The following CACNA1H variants were observed in gnomAD, a reference collection of about 807,000 sequenced individuals.
CACNA1H encodes calcium voltage-gated channel subunit alpha1 H.
CACNA1H carries 149 observed loss-of-function variants against 192.5 expected under a neutral mutation model. That is an observed-to-expected ratio of 0.77 (90% confidence interval 0.68 to 0.89). CACNA1H has a LOEUF of 0.89. Among genes scored for constraint, CACNA1H ranks in the 40% least tolerant of loss-of-function variants. The probability of loss-of-function intolerance (pLI) is 0.00; values close to 1 mark genes in which losing one functional copy is unlikely to be tolerated. For synonymous variants in CACNA1H, 2,202 were observed against 1,475.2 expected (o/e 1.49, Z -11.29); for missense variants, 4,257 against 3,423.5 (o/e 1.24, Z -6.08).
intron 9 of CACNA1H, among the ~76,000 whole-genome samples, chr16:1,202,690 C>G (rs569348055): frequency 6.6e-6 from 1 of 152,136 alleles, no homozygotes; most frequent in Non-Finnish European, 1.5e-5. Flanking sequence ...GTGGTAGCCG[C>G]GGAGGTGGGA....
intron 2 of CACNA1H, among the ~76,000 whole-genome samples, chr16:1,156,327 G>A (rs1008869923): frequency 9.2e-5 from 14 of 152,232 alleles, no homozygotes; most frequent in African/African-American, 1.7e-4. Flanking sequence ...TGGAGGCCCC[G>A]GCTGCATGGG....
intron 6 of CACNA1H, among the ~76,000 whole-genome samples, 176 bp from the exon 7 acceptor site, chr16:1,200,080 C>G (rs545439525): frequency 2.0e-5 from 3 of 152,244 alleles, no homozygotes; most frequent in South Asian, 2.1e-4. Flanking sequence ...TCTTGACCCT[C>G]AGTCCTATCA....
intron 34 of CACNA1H, among the ~76,000 whole-genome samples, 154 bp from the exon 35 acceptor site, chr16:1,219,827 G>A (rs367858391): frequency 6.8e-4 from 104 of 152,296 alleles, no homozygotes; most frequent in African/African-American, 2.4e-3. Flanking sequence ...CCACACCAGC[G>A]GCTTCCAGCC....
intron 4 of CACNA1H, among the ~76,000 whole-genome samples, 176 bp from the exon 5 acceptor site, chr16:1,195,750 C>T (rs962355151): frequency 3.3e-5 from 5 of 152,162 alleles, no homozygotes; most frequent in Admixed American, 3.3e-4. Flanking sequence ...GAGGTGGCCT[C>T]CTGATGTGAC....
intron 2 of CACNA1H, among the ~76,000 whole-genome samples, chr16:1,187,755 C>G (rs1417190092): frequency 6.6e-6 from 1 of 152,210 alleles, no homozygotes; most frequent in Non-Finnish European, 1.5e-5. Flanking sequence ...ACGTCCATCC[C>G]TTCGCTGGGC....
At chr16:1,209,465 A>T in intron 17 of CACNA1H, 53 bp downstream of exon 17, 1 of 1,577,154 alleles carries the variant, frequency 6.3e-7, no homozygotes, top group Non-Finnish European at 8.6e-7. Flanking sequence ...TGTCTGGGGC[A>T]GGTTCCCTCA....
rs1596360277 is a variant in CACNA1H, at chr16:1,187,770, G to A, written c.300-7202G>A. On this transcript the variant is annotated intron_variant, in intron 2 of 34. Coordinates refer to ENST00000348261, the MANE Select transcript of CACNA1H (RefSeq NM_021098.3). ...ACGTCCATCCCTTCGCTGGGCTAGC[G>A]CTGCTACAGTCCCCTCCCTGGTGGT... Among the ~76,000 whole-genome samples, 7 of 152,336 alleles carry A rather than the reference G, an allele frequency of 4.6e-5. 1 individual carries two copies. The South Asian group carries it at 1.2e-3, about 27-fold the overall frequency.
In CACNA1H at chr16:1,167,652, C is replaced by G. The variant is rs567602600; in HGVS notation, c.299+13616C>G. 2.6e-5 allele frequency among the ~76,000 whole-genome samples: 4 copies of G among 152,310 alleles called. No individual in the cohort carries two copies. Among genetic ancestry groups the G allele is most frequent in the Non-Finnish European group, 5.9e-5 (4 of 68,036 alleles). On this transcript the variant is annotated intron_variant, in intron 2 of 34. Coordinates refer to ENST00000348261, the MANE Select transcript of CACNA1H (RefSeq NM_021098.3). The surrounding 1 kb of genome is among the most constrained non-coding windows in gnomAD (Gnocchi z 4.2). ...CCCAGCTGCTCCTGGTTGACCGGCC[C>G]GGCCTGTGTTACATAAAGCGGTTTG...
chr16:1,171,762 C>T (rs549825199), intron 2 of CACNA1H, among the ~76,000 whole-genome samples: 1 of 152,322 alleles, frequency 6.6e-6, no homozygotes, highest in African/African-American at 2.4e-5. Flanking sequence ...CTCCCACCGT[C>T]CACAACTTTG....
intron 9 of CACNA1H, among the ~76,000 whole-genome samples, chr16:1,203,009 G>A (rs141571311): frequency 2.7e-4 from 40 of 150,824 alleles, no homozygotes; most frequent in African/African-American, 9.8e-4. Flanking sequence ...AGATGGTAGG[G>A]TTCCACACGG....
chr16:1,173,929 G>A (rs1964614996), intron 2 of CACNA1H, among the ~76,000 whole-genome samples: 1 of 152,186 alleles, frequency 6.6e-6, no homozygotes, highest in African/African-American at 2.4e-5. Flanking sequence ...ACACCACATG[G>A]GAGTTGTGGA....
At position 1,199,972 on chromosome 16, in the gene CACNA1H, TG is replaced by T. The variant is rs34191558; in HGVS notation, c.804-283del. 0.1 allele frequency among the ~76,000 whole-genome samples: 15,474 copies of T among 152,176 alleles called. 977 individuals carry two copies. Among genetic ancestry groups the T allele is most frequent in the Non-Finnish European group, 0.14 (9,312 of 67,986 alleles). On this transcript the variant is annotated intron_variant, in intron 6 of 34. Transcript: ENST00000348261. ...GATTTCTCTGTCCATCCCTGTTCTT[TG>T]TGTGTTTGTCTCTGTGGACTTGGGC...
In CACNA1H at chr16:1,194,663, T is replaced by A. The variant is rs550680951; in HGVS notation, c.300-309T>A. On this transcript the variant is annotated intron_variant, in intron 2 of 34. Coordinates refer to ENST00000348261, the MANE Select transcript of CACNA1H (RefSeq NM_021098.3). Reference sequence around the variant, plus strand: ...AGTCTGAGTGGCCCTCACTGGGGCCTCACTACCGATGCGGCCAGCCCACCG... The same window carrying A: ...AGTCTGAGTGGCCCTCACTGGGGCCACACTACCGATGCGGCCAGCCCACCG... 3.3e-5 allele frequency among the ~76,000 whole-genome samples: 5 copies of A among 152,258 alleles called. No individual in the cohort carries two copies. The East Asian group carries it at 7.7e-4, about 24-fold the overall frequency.
In CACNA1H at chr16:1,221,152, G is replaced by T; in HGVS notation, c.*158G>T. ...GGCCCAGGCCCTGGTTCTCTGCCCA[G>T]CGAAGCAGGAGTAGCTGCCGGGCCC... On this transcript the variant is annotated 3_prime_UTR_variant, in exon 35 of 35. Transcript: ENST00000348261. 1.7e-6 allele frequency: 1 copy of T among 587,972 alleles called. No homozygotes were observed. Among genetic ancestry groups the T allele is most frequent in the Admixed American group, 3.2e-5 (1 of 31,016 alleles). 36.4% of individuals were successfully genotyped at this position (587,972 alleles called of 1,614,324 possible).
chr16:1,211,984 C>T lies in CACNA1H; in HGVS notation c.4605C>T (p.Phe1535=), dbSNP rs1182140794. ...ACAACCCCTGGATGCTGCTGTACTT[C>T]ATCTCCTTCCTGCTCATCGTCAGCT... is the stretch of plus-strand genomic sequence containing the variant. ...QNHNPWMLLY[F]ISFLLIVSFF... Residue 1535 remains phenylalanine, a synonymous_variant, in exon 25 of 35, where the codon TTC becomes TTT. Coordinates refer to ENST00000348261, the MANE Select transcript of CACNA1H (RefSeq NM_021098.3). 1.2e-6 allele frequency: 2 copies of T among 1,613,566 alleles called. No individual in the cohort carries two copies. The highest frequency in any genetic ancestry group is 1.7e-6 in the Non-Finnish European group (2 of 1,179,700).
At chr16:1,192,029 A>G (rs1966668705) in intron 2 of CACNA1H, among the ~76,000 whole-genome samples, 1 of 152,236 alleles carries the variant, frequency 6.6e-6, no homozygotes, top group South Asian at 2.1e-4. Context: ...TGCAGGCCCA[A>G]CCTTGCCCCT....
chr16:1,212,717 C>T (rs1156430984), intron 26 of CACNA1H, among the ~76,000 whole-genome samples, 189 bp downstream of exon 26: 5 of 152,278 alleles, frequency 3.3e-5, no homozygotes, highest in Admixed American at 6.5e-5. Context: ...TGCACGCGTG[C>T]GGCTCTGCCC....
chr16:1,211,234 T>C lies in CACNA1H; in HGVS notation c.4290T>C (p.Ile1430=), dbSNP rs1596458193. ...VETLISSLRP[I]GNIVLICCAF... ...CGCTGATATCATCACTCAGGCCCAT[T>C]GGGAACATCGTCCTCATCTGCTGCG... The change falls in exon 22 of 35, where the codon ATT becomes ATC. Residue 1430 remains isoleucine (I), a synonymous_variant. Coordinates refer to ENST00000348261, the MANE Select transcript of CACNA1H (RefSeq NM_021098.3). The C allele has an allele frequency of 8.1e-6, 13 of 1,612,980 alleles. No individual in the cohort carries two copies. Among genetic ancestry groups the C allele is most frequent in the Non-Finnish European group, 1.0e-5 (12 of 1,179,760 alleles).
chr16:1,220,822 C>T lies in CACNA1H; in HGVS notation c.6890C>T (p.Ser2297Leu), dbSNP rs1970427990. 6.2e-7 allele frequency: 1 copy of T among 1,612,698 alleles called. No individual in the cohort carries two copies. The highest frequency in any genetic ancestry group is 8.5e-7 in the Non-Finnish European group (1 of 1,179,812). Residue 2297 changes from serine to leucine, a missense_variant, in exon 35 of 35, where the codon TCA becomes TTA. Physicochemically the swap from Ser to Leu is moderately radical, Grantham distance 145. Transcript: ENST00000348261. ...ACCCCAGAATCCAGAGCTTCCTCTTCAGGGGCCATAGTGCCCCTGGAACCC... is the reference window on the plus strand; with the variant it reads ...ACCCCAGAATCCAGAGCTTCCTCTTTAGGGGCCATAGTGCCCCTGGAACCC... ...SVTPESRASS[S>L]GAIVPLEPPE...
Sources: allele counts gnomAD v4.1 joint callset (sites outside exome capture counted in the v4.1 genomes callset), GRCh38; gene constraint gnomAD v4.1.1; non-coding constraint Gnocchi (gnomAD v3.1); transcripts MANE v1.5; gene names NCBI Gene and HGNC (gene_info 2026-07-23, HGNC 2026-07-21).